Variants in LRRC37A observed in about 807,000 individuals in gnomAD.
LRRC37A encodes the protein leucine rich repeat containing 37A, also known as leucine-rich repeat-containing protein 37A.
LRRC37A carries 3 observed loss-of-function variants against 35.4 expected under a neutral mutation model. The ratio of observed to expected loss-of-function variants is 0.08; its 90% CI spans 0.04 to 0.22. The LOEUF (loss-of-function observed/expected upper bound fraction) is 0.22. Among genes scored for constraint, LRRC37A ranks in the 10% least tolerant of loss-of-function variants. The pLI, the probability that LRRC37A is intolerant of heterozygous loss-of-function variation, is 1.00. For synonymous variants in LRRC37A, 23 were observed against 215.0 expected (o/e 0.11, Z 7.81); for missense variants, 67 against 565.3 (o/e 0.12, Z 8.94).
the LRRC37A span, among the ~76,000 whole-genome samples, chr17:46,265,092 C>A: frequency 6.6e-6 from 1 of 151,864 alleles, no homozygotes. Flanking sequence ...TCTGGTGTAC[C>A]CAAGCTTTGC....
chr17:46,249,091 A>T, the LRRC37A span, among the ~76,000 whole-genome samples: 1 of 152,240 alleles, frequency 6.6e-6, no homozygotes, highest in South Asian at 2.1e-4. Flanking sequence ...ATGTCATTTC[A>T]TAGAAAAGAC....
intron 7 of LRRC37A, among the ~76,000 whole-genome samples, chr17:46,326,711 AG>A (rs1375675269): frequency 1.9e-4 from 3 of 15,408 alleles, no homozygotes; most frequent in Admixed American, 6.8e-4. Context: ...TATAATGACA[AG>A]GCCAAGGAAC....
At chr17:46,280,529 TAAAAAG>T in the LRRC37A span, among the ~76,000 whole-genome samples, 1 of 149,378 alleles carries the variant, frequency 6.7e-6, no homozygotes, top group Non-Finnish European at 1.5e-5. Flanking sequence ...TATATATTAT[TAAAAAG>T]AAAAAAATTT....
chr17:46,264,039 A>G, the LRRC37A span, among the ~76,000 whole-genome samples: 1 of 152,070 alleles, frequency 6.6e-6, no homozygotes, highest in Non-Finnish European at 1.5e-5. Context: ...ACATAAAATA[A>G]TGAACCGACA....
the LRRC37A span, among the ~76,000 whole-genome samples, chr17:46,258,219 C>CT: frequency 4.0e-4 from 59 of 147,220 alleles, 1 homozygote; most frequent in South Asian, 6.4e-4. Context: ...GAAAGAGATT[C>CT]TTTTTTTTTT....
the LRRC37A span, among the ~76,000 whole-genome samples, chr17:46,282,659 C>T: frequency 6.6e-6 from 1 of 151,004 alleles, no homozygotes; most frequent in African/African-American, 2.4e-5. Context: ...TGGCTTCAAG[C>T]TATTCTCCCC....
chr17:46,271,240 A>G, the LRRC37A span, among the ~76,000 whole-genome samples: 1 of 147,478 alleles, frequency 6.8e-6, no homozygotes, highest in Non-Finnish European at 1.5e-5. Context: ...ATGTCAGCTC[A>G]CCGCAACCTC....
chr17:46,326,655 G>A (rs1401487872), intron 7 of LRRC37A, among the ~76,000 whole-genome samples: 1 of 4,118 alleles, frequency 2.4e-4, no homozygotes, highest in Non-Finnish European at 5.5e-4. Flanking sequence ...CATTTTTCAG[G>A]TATTGATTCA....
At chr17:46,254,759 T>TCAACTC in the LRRC37A span, among the ~76,000 whole-genome samples, 1 of 151,666 alleles carries the variant, frequency 6.6e-6, no homozygotes, top group Non-Finnish European at 1.5e-5. Context: ...CAGGCTGGTC[T>TCAACTC]CAACTCCTGA....
At chr17:46,262,267 C>T in the LRRC37A span, among the ~76,000 whole-genome samples, 1 of 152,266 alleles carries the variant, frequency 6.6e-6, no homozygotes, top group Non-Finnish European at 1.5e-5. Context: ...CTCCTGACCT[C>T]AGGTGATCCA....
chr17:46,323,867 A>T (rs2051546001), intron 7 of LRRC37A, among the ~76,000 whole-genome samples: 1 of 97,670 alleles, frequency 1.0e-5, no homozygotes, highest in Non-Finnish European at 2.3e-5. Context: ...CAATAAAAAC[A>T]GTAGAAAATT....
At chr17:46,276,079 C>T in the LRRC37A span, among the ~76,000 whole-genome samples, 15 of 152,260 alleles carry the variant, frequency 9.9e-5, no homozygotes, top group East Asian at 1.4e-3. Flanking sequence ...TTTGTAGAGA[C>T]GAGGTTTCAC....
the LRRC37A span, among the ~76,000 whole-genome samples, chr17:46,262,026 T>C: frequency 7.9e-5 from 12 of 152,332 alleles, no homozygotes; most frequent in Non-Finnish European, 1.3e-4. Context: ...CTGAGCTCAC[T>C]GTAAACTCCG....
chr17:46,289,245 T>C (rs957460246), upstream of LRRC37A, among the ~76,000 whole-genome samples: 1 of 152,068 alleles, frequency 6.6e-6, no homozygotes, highest in African/African-American at 2.4e-5. Flanking sequence ...TGCAGTGACA[T>C]AAACACGGCT....
At chr17:46,317,125 G>T in intron 5 of LRRC37A, among the ~76,000 whole-genome samples, 1 of 88,502 alleles carries the variant, frequency 1.1e-5, no homozygotes. Flanking sequence ...TGAGCTGTTG[G>T]GTACACCTCC....
chr17:46,316,698 G>C (rs1323913736), intron 5 of LRRC37A, among the ~76,000 whole-genome samples: 2 of 66,712 alleles, frequency 3.0e-5, no homozygotes, highest in African/African-American at 8.6e-5. Flanking sequence ...ATAGTGGAGG[G>C]AAGGTCAGCA....
At chr17:46,268,038 A>T in the LRRC37A span, among the ~76,000 whole-genome samples, 5 of 151,534 alleles carry the variant, frequency 3.3e-5, no homozygotes, top group East Asian at 7.8e-4. Context: ...AGTAGCTGGG[A>T]TTACAGGCTG....
chr17:46,270,866 C>T, the LRRC37A span, among the ~76,000 whole-genome samples: 1 of 152,226 alleles, frequency 6.6e-6, no homozygotes, highest in Non-Finnish European at 1.5e-5. Context: ...TGCCACTGCC[C>T]TCCAGCCTGG....
At chr17:46,292,274 G>C (rs1216970008), upstream of LRRC37A, among the ~76,000 whole-genome samples, 2 of 76,140 alleles carry the variant, frequency 2.6e-5, 1 homozygote, top group Non-Finnish European at 7.8e-5. Flanking sequence ...GGAGGTTGCA[G>C]TGAGCCGAGA....
Sources: allele counts gnomAD v4.1 joint callset (sites outside exome capture counted in the v4.1 genomes callset), GRCh38; gene constraint gnomAD v4.1.1; transcripts MANE v1.5; gene names NCBI Gene and HGNC (gene_info 2026-07-23, HGNC 2026-07-21).